CDON: variants seen among roughly 807,000 people sequenced by gnomAD.
CDON encodes cell adhesion molecule-related/down-regulated by oncogenes.
A neutral mutation model predicts 120.9 loss-of-function variants in CDON; 73 were observed. That is an observed-to-expected ratio of 0.60 (90% confidence interval 0.50 to 0.73). The LOEUF is 0.73. Ranked by LOEUF, CDON falls within the 30% of genes least tolerant of loss-of-function variation. The pLI, the probability that CDON is intolerant of heterozygous loss-of-function variation, is 0.00. For missense variants in CDON, 1,470 were observed against 1,587.3 expected, an observed-to-expected ratio of 0.93 and a Z score of 1.26; for synonymous variants, 566 against 573.5, an observed-to-expected ratio of 0.99 and a Z score of 0.19.
At chr11:126,028,310 T>C (rs1181092596) in intron 1 of CDON, among the ~76,000 whole-genome samples, 1 of 152,136 alleles carries the variant, frequency 6.6e-6, no homozygotes, top group Admixed American at 6.6e-5. Context: ...ATTGTGATAA[T>C]ACATGTTAGG....
intron 14 of CDON, 51 bp downstream of exon 14, chr11:125,994,232 CT>C: frequency 1.1e-6 from 1 of 916,950 alleles, no homozygotes. Context: ...ATTCATAAAC[CT>C]TCTTTCTCCA....
chr11:125,996,691 C>A, intron 12 of CDON, among the ~76,000 whole-genome samples: 1 of 92,632 alleles, frequency 1.1e-5, no homozygotes, highest in South Asian at 4.5e-4. Flanking sequence ...CAGAGGGAGA[C>A]TCCATCTCAA....
At chr11:126,041,918 CTT>C (rs1465156492) in intron 1 of CDON, among the ~76,000 whole-genome samples, 1 of 151,984 alleles carries the variant, frequency 6.6e-6, no homozygotes, top group Non-Finnish European at 1.5e-5. Context: ...GAGTTTCGCT[CTT>C]GTTGCCCAGG....
chr11:125,996,206 A>G (rs1946778599), intron 12 of CDON, among the ~76,000 whole-genome samples: 1 of 146,068 alleles, frequency 6.8e-6, no homozygotes, highest in African/African-American at 2.5e-5. Flanking sequence ...ACACACACAC[A>G]AAGATGTACA....
intron 16 of CDON, among the ~76,000 whole-genome samples, chr11:125,983,150 CA>C (rs1180932400): frequency 2.0e-5 from 3 of 152,062 alleles, no homozygotes; most frequent in Non-Finnish European, 4.4e-5. Context: ...AAGGGGAAAC[CA>C]AAAAACTTCC....
At chr11:125,979,567 A>G (rs621794) in intron 17 of CDON, among the ~76,000 whole-genome samples, 85,677 of 151,998 alleles carry the variant, frequency 0.56, 24,225 homozygotes, top group African/African-American at 0.57. Flanking sequence ...AAAACGAATA[A>G]TTTAGAATCA....
chr11:125,981,652 G>A lies in CDON; in HGVS notation c.2996-323C>T, dbSNP rs186038267. ...CTGAGTTAATTATGATTCTGTTAAC[G>A]GGAAGAAAAATCACCTAGGGAGAAA... On this transcript the variant is annotated intron_variant, in intron 16 of 19. Coordinates refer to ENST00000531738, the MANE Select transcript of CDON (RefSeq NM_001378964.1). Among the ~76,000 whole-genome samples the A allele has an allele frequency of 5.1e-4, 77 of 152,110 alleles. 1 individual carries two copies. The East Asian group carries it at 0.012, about 24-fold the overall frequency.
intron 1 of CDON, among the ~76,000 whole-genome samples, chr11:126,035,660 C>T (rs1321645772): frequency 6.6e-6 from 1 of 152,078 alleles, no homozygotes; most frequent in Non-Finnish European, 1.5e-5. Flanking sequence ...ACTGACAAGT[C>T]TAAAATTAAG....
rs1021611408 is a variant in CDON at position 126,005,753 on chromosome 11, C to T, written c.1851+6G>A. ...CCGAGAAAGATGATAAACGACAAGA[C>T]ATTACCTTTCGATACTTCACAAAGT... On this transcript the variant is annotated splice_donor_region_variant and intron_variant, in intron 9 of 19. Coordinates refer to ENST00000531738, the MANE Select transcript of CDON (RefSeq NM_001378964.1). 6.2e-7 allele frequency: 1 copy of T among 1,612,270 alleles called. No individual in the cohort carries two copies. The highest frequency in any genetic ancestry group is 1.3e-5 in the African/African-American group (1 of 74,854).
rs759948908 is a variant in CDON at position 125,981,062 on chromosome 11, T to C, written c.3263A>G (p.His1088Arg). The change falls in exon 17 of 20, where the codon CAT (histidine) becomes CGT (arginine). Residue 1088 changes from histidine to arginine, a missense_variant. Transcript: ENST00000531738. The part of the protein sequence containing the change: ...TRTHVDFEHP[H>R]HLVNGGGMYT... ...TAGGTCTCTTACATTCACTAGATGA[T>C]GAGGATGTTCAAAATCCACGTGTGT... 1 of 1,614,052 alleles carries C rather than the reference T, an allele frequency of 6.2e-7. No homozygotes were observed. The highest frequency in any genetic ancestry group is 8.5e-7 in the Non-Finnish European group (1 of 1,180,026).
Position 126,034,765 on chromosome 11 carries a change from G to C in CDON, c.-61-11228C>G, listed in dbSNP as rs73021221. ...AGACAAAATATAGAAAATTTCAAGGGGATTATTTTGCAAGTCCCATGGAGT... is the reference window on the plus strand; with the variant it reads ...AGACAAAATATAGAAAATTTCAAGGCGATTATTTTGCAAGTCCCATGGAGT... On this transcript the variant is annotated intron_variant, in intron 1 of 19. Coordinates refer to ENST00000531738, the MANE Select transcript of CDON (RefSeq NM_001378964.1). The surrounding 1 kb of genome is among the most constrained non-coding windows in gnomAD (Gnocchi z 4.5). Among the ~76,000 whole-genome samples the C allele has an allele frequency of 0.07, 10,577 of 152,134 alleles. 490 individuals carry two copies. The highest frequency in any genetic ancestry group is 0.13 in the Middle Eastern group (37 of 294).
Position 125,978,352 on chromosome 11 carries a change from A to G in CDON, c.3308T>C (p.Ile1103Thr). ...GGGMYTAVPQ[I>T]DPLECVNCRN... ...GCAGTTAACACACTCCAGAGGGTCAATCTGAGGCACGGCCGTGTACATTCC... is the reference window on the plus strand; with the variant it reads ...GCAGTTAACACACTCCAGAGGGTCAGTCTGAGGCACGGCCGTGTACATTCC... Residue 1103 changes from isoleucine to threonine, a missense_variant, in exon 18 of 20, where the codon ATT (isoleucine) becomes ACT (threonine). Transcript: ENST00000531738. The G allele has an allele frequency of 6.2e-7, 1 of 1,610,386 alleles. No individual in the cohort carries two copies. The highest frequency in any genetic ancestry group is 8.5e-7 in the Non-Finnish European group (1 of 1,177,876).
intron 14 of CDON, among the ~76,000 whole-genome samples, chr11:125,990,045 C>CAT (rs1311649600): frequency 6.6e-6 from 1 of 152,078 alleles, no homozygotes; most frequent in Middle Eastern, 3.2e-3. Context: ...TAGTGGGAGT[C>CAT]TTTCATAAAA....
intron 9 of CDON, 64 bp downstream of exon 9, chr11:126,005,695 G>A: frequency 6.9e-7 from 1 of 1,441,818 alleles, no homozygotes; most frequent in South Asian, 1.1e-5. Flanking sequence ...AAAGGCAACA[G>A]TATATGTTAT....
At position 125,959,418 on chromosome 11, in the gene CDON, A is replaced by G. The variant is rs963699346; in HGVS notation, c.*1524T>C. The G allele has an allele frequency of 3.3e-5, 5 of 152,158 alleles. No homozygotes were observed. The highest frequency in any genetic ancestry group is 2.6e-4 in the Admixed American group (4 of 15,280). 9.4% of individuals were successfully genotyped at this position (152,158 alleles called of 1,614,324 possible). A position where few individuals can be genotyped will look rare whatever the true frequency, so the allele number is the denominator to read the frequency against. The stretch of plus-strand genomic sequence containing the variant: ...GAAAGCTTGACTCAAGCTATGAAAC[A>G]CACTTACATAATTATTGTTTTTTAA... On this transcript the variant is annotated 3_prime_UTR_variant, in exon 20 of 20. Transcript: ENST00000531738.
At chr11:125,987,417 T>G (rs1446809254) in intron 15 of CDON, among the ~76,000 whole-genome samples, 1 of 152,252 alleles carries the variant, frequency 6.6e-6, no homozygotes. Flanking sequence ...AAACCGTCAT[T>G]GTTCACAAGA....
intron 1 of CDON, among the ~76,000 whole-genome samples, chr11:126,057,002 T>C (rs1399971150): frequency 6.6e-6 from 1 of 152,228 alleles, no homozygotes. Context: ...GCATGAAGGA[T>C]ATAAGCTACC....
In CDON at chr11:125,994,267, T is replaced by C. The variant is rs988381893; in HGVS notation, c.2650+17A>G. The stretch of plus-strand genomic sequence containing the variant: ...CAAAGCGCCTTTACAGGGACTCCAG[T>C]GTGCCAGGGGACTTACCTTCTACAA... On this transcript the variant is annotated intron_variant, in intron 14 of 19. Transcript: ENST00000531738. The C allele has an allele frequency of 1.5e-5, 20 of 1,349,162 alleles. No individual in the cohort carries two copies. Among genetic ancestry groups the C allele is most frequent in the Non-Finnish European group, 2.0e-5 (19 of 939,188 alleles). 83.6% of individuals were successfully genotyped at this position (1,349,162 alleles called of 1,614,324 possible). A position where few individuals can be genotyped will look rare whatever the true frequency, so the allele number is the denominator to read the frequency against.
rs753123435 is a variant in CDON, at chr11:125,997,300, C to T, written c.2269G>A (p.Glu757Lys). 7 of 1,613,926 alleles carry T rather than the reference C, an allele frequency of 4.3e-6. No homozygotes were observed. Among genetic ancestry groups the T allele is most frequent in the Middle Eastern group, 1.6e-4 (1 of 6,080 alleles). Reference protein sequence around the residue: ...GGSPITAFKVEYKRMRTSNWL... With the variant: ...GGSPITAFKVKYKRMRTSNWL... Reference sequence around the variant, plus strand: ...TTGCTGGTCCTCATCCGTTTATATTCGACTTTGAAGGCAGTGATTGGAGAA... The same window carrying T: ...TTGCTGGTCCTCATCCGTTTATATTTGACTTTGAAGGCAGTGATTGGAGAA... Residue 757 changes from glutamate to lysine, a missense_variant, in exon 12 of 20, where the codon GAA becomes AAA. Transcript: ENST00000531738.
Sources: gnomAD v4.1 joint callset for allele counts (sites outside exome capture counted in the v4.1 genomes callset) on GRCh38, gnomAD v4.1.1 for gene constraint, Gnocchi (gnomAD v3.1) non-coding constraint, MANE v1.5 for transcripts, NCBI Gene and HGNC (gene_info 2026-07-23, HGNC 2026-07-21) for gene names.